The following IL1RAPL2 variants were observed in gnomAD, a reference collection of about 807,000 sequenced individuals.
IL1RAPL2 encodes X-linked interleukin-1 receptor accessory protein-like 2.
Under a neutral mutation model 44.1 loss-of-function variants are expected in IL1RAPL2, and 3 were observed. That is an observed-to-expected ratio of 0.07 (90% CI 0.03 to 0.18). The LOEUF (loss-of-function observed/expected upper bound fraction) is 0.18, where lower values mean the gene tolerates loss of function less well. Among genes scored for constraint, IL1RAPL2 ranks in the 10% least tolerant of loss-of-function variants. The probability of loss-of-function intolerance (pLI) is 1.00; values close to 1 mark genes in which losing one functional copy is unlikely to be tolerated. For synonymous variants in IL1RAPL2, 181 were observed against 178.8 expected, an observed-to-expected ratio of 1.01 and a Z score of -0.10; for missense variants, 391 against 496.4, an observed-to-expected ratio of 0.79 and a Z score of 2.02.
intron 2 of IL1RAPL2, among the ~76,000 whole-genome samples, chrX:104,774,043 G>A (rs1007943679): frequency 9.0e-6 from 1 of 111,583 alleles, no homozygotes; most frequent in Non-Finnish European, 1.9e-5. Flanking sequence ...CTGAATTAAC[G>A]GAATGGGTAG....
chrX:104,754,284 A>G (rs1432407455), intron 2 of IL1RAPL2, among the ~76,000 whole-genome samples: 1 of 111,815 alleles, frequency 8.9e-6, no homozygotes, highest in Middle Eastern at 4.2e-3. Context: ...CCCAAATTTC[A>G]TTTTGAGTGT....
At chrX:105,719,871 G>A (rs1224109900) in intron 7 of IL1RAPL2, among the ~76,000 whole-genome samples, 1 of 111,318 alleles carries the variant, frequency 9.0e-6, no homozygotes, top group East Asian at 2.8e-4. Flanking sequence ...TTTGTAATTA[G>A]TAACACTTTA....
intron 6 of IL1RAPL2, among the ~76,000 whole-genome samples, chrX:105,518,494 G>A (rs1338593487): frequency 8.9e-6 from 1 of 111,844 alleles, no homozygotes; most frequent in Non-Finnish European, 1.9e-5. Flanking sequence ...CTGTGCATCT[G>A]CTGGAATTGA....
At chrX:104,842,237 T>A (rs1448663500) in intron 2 of IL1RAPL2, among the ~76,000 whole-genome samples, 1 of 110,144 alleles carries the variant, frequency 9.1e-6, no homozygotes, top group African/African-American at 3.3e-5. Flanking sequence ...TACAGCTTCA[T>A]CAGGTCATTT....
intron 5 of IL1RAPL2, among the ~76,000 whole-genome samples, chrX:105,401,186 A>G (rs2035604197): frequency 9.0e-6 from 1 of 111,654 alleles, no homozygotes; most frequent in Non-Finnish European, 1.9e-5. Context: ...TAAAATTGTA[A>G]TTACATTCCA....
At chrX:104,622,116 T>G (rs775084800) in intron 1 of IL1RAPL2, among the ~76,000 whole-genome samples, 8 of 109,867 alleles carry the variant, frequency 7.3e-5, no homozygotes, top group Non-Finnish European at 1.5e-4. Context: ...CTCAGTTCCT[T>G]AGAAAAGAAA....
intron 2 of IL1RAPL2, among the ~76,000 whole-genome samples, chrX:104,886,128 G>A (rs1444179372): frequency 8.8e-6 from 1 of 113,153 alleles, no homozygotes; most frequent in African/African-American, 3.2e-5. Context: ...GGGACAGCCT[G>A]TAACCAGGTA....
intron 1 of IL1RAPL2, among the ~76,000 whole-genome samples, chrX:104,635,694 C>G (rs1288446307): frequency 8.9e-6 from 1 of 111,995 alleles, no homozygotes; most frequent in African/African-American, 3.2e-5. Context: ...TCAGCTCCAT[C>G]AGCTCCTTTA....
intron 2 of IL1RAPL2, among the ~76,000 whole-genome samples, chrX:104,866,669 C>A (rs919157654): frequency 9.0e-6 from 1 of 111,405 alleles, no homozygotes; most frequent in African/African-American, 3.3e-5. Context: ...ATACTGGAGA[C>A]CTTTAGGCAT....
intron 5 of IL1RAPL2, among the ~76,000 whole-genome samples, chrX:105,382,270 CAAGA>C (rs1226805619): frequency 1.2e-4 from 13 of 107,589 alleles, no homozygotes; most frequent in African/African-American, 4.3e-4. Context: ...AACAAATTTA[CAAGA>C]AAGAAACAAA....
intron 2 of IL1RAPL2, among the ~76,000 whole-genome samples, chrX:104,928,235 A>G (rs925271081): frequency 2.5e-4 from 28 of 111,689 alleles, no homozygotes; most frequent in African/African-American, 8.5e-4. Context: ...CTGTTGTGCT[A>G]TCAAATTGTA....
In IL1RAPL2 at chrX:105,019,026, C is replaced by T. The variant is rs184928488; in HGVS notation, c.83-176449C>T. On this transcript the variant is annotated intron_variant, in intron 2 of 10. Transcript: ENST00000372582. Reference sequence around the variant, plus strand: ...CTGAGAAATTGCCAGTCATCTTTATCACAGTTGTTGCCAATTCTTGAGGGC... The same window carrying T: ...CTGAGAAATTGCCAGTCATCTTTATTACAGTTGTTGCCAATTCTTGAGGGC... 1.9e-3 allele frequency among the ~76,000 whole-genome samples: 217 copies of T among 111,668 alleles called. 1 individual carries two copies. The highest frequency in any genetic ancestry group is 6.2e-3 in the African/African-American group (192 of 30,854).
chrX:105,260,178 C>T (rs909744368), intron 4 of IL1RAPL2, among the ~76,000 whole-genome samples: 1 of 112,333 alleles, frequency 8.9e-6, no homozygotes, highest in Admixed American at 9.4e-5. Context: ...AGCAGCTCTG[C>T]TGTGCTGGGG....
At chrX:105,385,051 A>G (rs1424016067) in intron 5 of IL1RAPL2, among the ~76,000 whole-genome samples, 1 of 111,304 alleles carries the variant, frequency 9.0e-6, no homozygotes, top group Non-Finnish European at 1.9e-5. Flanking sequence ...TAATTTAAAA[A>G]CAAGAATAAT....
chrX:105,277,583 G>A (rs2034496062), intron 5 of IL1RAPL2, among the ~76,000 whole-genome samples: 1 of 111,367 alleles, frequency 9.0e-6, no homozygotes, highest in African/African-American at 3.3e-5. Flanking sequence ...ATGTCTCAAT[G>A]AGCTAAAAAA....
At chrX:104,849,872 C>A (rs1922180094) in intron 2 of IL1RAPL2, among the ~76,000 whole-genome samples, 1 of 110,817 alleles carries the variant, frequency 9.0e-6, no homozygotes, top group Non-Finnish European at 1.9e-5. Flanking sequence ...TTTACCTAAG[C>A]CAATCTAAAC....
chrX:104,759,509 C>A (rs1324694780), intron 2 of IL1RAPL2, among the ~76,000 whole-genome samples: 2 of 111,226 alleles, frequency 1.8e-5, no homozygotes, highest in African/African-American at 3.3e-5. Flanking sequence ...TGTCTAGGAG[C>A]AGCATTTGGG....
intron 6 of IL1RAPL2, 43 bp from the exon 7 acceptor site, chrX:105,717,324 T>C (rs1171254270): frequency 1.8e-6 from 2 of 1,107,524 alleles, no homozygotes; most frequent in African/African-American, 1.8e-5. Flanking sequence ...CTCCCACTGA[T>C]AATCAGGAGT....
intron 4 of IL1RAPL2, among the ~76,000 whole-genome samples, chrX:105,237,229 A>T (rs1556202682): frequency 8.9e-6 from 1 of 111,979 alleles, no homozygotes; most frequent in African/African-American, 3.3e-5. Flanking sequence ...ACATTTTCTT[A>T]ATCCAGTCTA....
Sources: allele counts gnomAD v4.1 joint callset (sites outside exome capture counted in the v4.1 genomes callset), GRCh38; gene constraint gnomAD v4.1.1; transcripts MANE v1.5; gene names NCBI Gene and HGNC (gene_info 2026-07-23, HGNC 2026-07-21).